Variants in MROH2B observed in about 807,000 individuals in gnomAD.
MROH2B encodes the protein maestro heat like repeat family member 2B.
Under a neutral mutation model 208.6 loss-of-function variants are expected in MROH2B, and 177 were observed. The ratio of observed to expected loss-of-function variants is 0.85; its 90% CI spans 0.75 to 0.96. MROH2B has a LOEUF of 0.96. MROH2B is among the 40% of genes least tolerant of loss of function. MROH2B has a pLI of 0.00. For missense variants in MROH2B, 2,002 were observed against 1,878.7 expected (o/e 1.07, Z -1.21); for synonymous variants, 728 against 659.0 (o/e 1.10, Z -1.60).
chr5:41,033,911 A>C (rs1486974509), intron 21 of MROH2B, 47 bp from the exon 22 acceptor site: 2 of 1,548,700 alleles, frequency 1.3e-6, no homozygotes, highest in African/African-American at 2.7e-5. Context: ...AGTGGCATTG[A>C]GAGATATACC....
rs189991991 is a variant in MROH2B at position 41,049,309 on chromosome 5, G to A, written c.1472C>T (p.Ser491Leu). 3.8e-5 allele frequency: 61 copies of A among 1,613,554 alleles called. No individual in the cohort carries two copies. Among genetic ancestry groups the A allele is most frequent in the Non-Finnish European group, 4.7e-5 (56 of 1,179,700 alleles). The change falls in exon 14 of 42, where the codon TCG becomes TTG. Residue 491 changes from serine (S) to leucine (L), a missense_variant. Ser to Leu is a moderately radical substitution (Grantham distance 145). Transcript: ENST00000399564. ...EEKKQHSAKE[S>L]TALVVSTGAV... is the part of the protein sequence containing the mutation. ...TCCTGTAGAGACGACAAGTGCTGTC[G>A]ACTCCTTGGCACTGTGCTGCTTCTT...
intron 19 of MROH2B, among the ~76,000 whole-genome samples, chr5:41,041,404 A>C (rs1300494845): frequency 1.3e-5 from 2 of 152,174 alleles, no homozygotes; most frequent in African/African-American, 4.8e-5. Context: ...AGGTGGGTGG[A>C]TCACCTGAGG....
Position 41,012,620 on chromosome 5 carries a change from G to A in MROH2B, c.3098C>T (p.Thr1033Ile), listed in dbSNP as rs1339888813. The change falls in exon 30 of 42, where the codon ACT becomes ATT. Residue 1033 changes from threonine (T) to isoleucine (I), a missense_variant. Thr to Ile is a moderately conservative substitution (Grantham distance 89). Transcript: ENST00000399564. ...CTKACGIWMI[T>I]VLKQQGAALE... The stretch of plus-strand genomic sequence containing the variant: ...AGCAGCTCCCTGCTGCTTCAGGACA[G>A]TGATCATCCATATGCCACAGGCCTT... The A allele has an allele frequency of 6.2e-7, 1 of 1,613,632 alleles. No individual in the cohort carries two copies. Among genetic ancestry groups the A allele is most frequent in the African/African-American group, 1.3e-5 (1 of 74,922 alleles).
chr5:41,051,088 C>T lies in MROH2B; in HGVS notation c.1233G>A (p.Glu411=), dbSNP rs779296721. 1.9e-6 allele frequency: 3 copies of T among 1,538,896 alleles called. No homozygotes were observed. The African/African-American group carries it at 4.3e-5, about 22-fold the overall frequency. ...CATGAAAGTTAGTTTTCACTGGTTT[C>T]TCCTTTAAGAAAGATCAAACAGGTG... is the stretch of plus-strand genomic sequence containing the variant. ...SQFATLNRNL[E]KPVKTNFHEN... The change falls in exon 13 of 42, where the codon GAG becomes GAA. Residue 411 remains glutamate, a splice_region_variant and synonymous_variant. Coordinates refer to ENST00000399564, the MANE Select transcript of MROH2B (RefSeq NM_173489.5).
rs534641637 is a variant in MROH2B at position 41,020,081 on chromosome 5, G to A, written c.2442-1063C>T. Among the ~76,000 whole-genome samples the A allele has an allele frequency of 1.4e-4, 22 of 152,128 alleles. 1 individual carries two copies. In the Middle Eastern group the frequency reaches 0.024, roughly 165 times the overall value. ...GTGCTGTCTCTAGCCTCATAAGCTC[G>A]TGAACATGAGTTGTGGCTGATCTGG... On this transcript the variant is annotated intron_variant, in intron 24 of 41. Transcript: ENST00000399564.
intron 2 of MROH2B, 48 bp from the exon 3 acceptor site, chr5:41,067,266 A>G (rs1339563949): frequency 1.9e-6 from 2 of 1,035,110 alleles, no homozygotes; most frequent in Non-Finnish European, 2.9e-6. Flanking sequence ...GCAAAAATAA[A>G]GGAATCAAAT....
chr5:41,056,245 C>T (rs978314126), intron 9 of MROH2B, among the ~76,000 whole-genome samples: 1 of 152,112 alleles, frequency 6.6e-6, no homozygotes, highest in Non-Finnish European at 1.5e-5. Flanking sequence ...GGCAGTGATG[C>T]TTCCTCTGCT....
chr5:41,062,776 TTA>T (rs1157399196), intron 5 of MROH2B, among the ~76,000 whole-genome samples: 1 of 152,136 alleles, frequency 6.6e-6, no homozygotes, highest in Non-Finnish European at 1.5e-5. Flanking sequence ...TCCAAACTCC[TTA>T]TAATTTCTTT....
intron 7 of MROH2B, 28 bp from the exon 8 acceptor site, chr5:41,057,388 T>G: frequency 7.9e-6 from 12 of 1,525,676 alleles, no homozygotes; most frequent in Non-Finnish European, 9.8e-6. Flanking sequence ...ACAGGTTAGT[T>G]GGAGGCTGCC....
intron 24 of MROH2B, among the ~76,000 whole-genome samples, chr5:41,027,756 C>T (rs1389910635): frequency 6.6e-6 from 1 of 152,148 alleles, no homozygotes; most frequent in Admixed American, 6.5e-5. Flanking sequence ...TATTGTGGCA[C>T]TATTCACAAT....
chr5:41,047,155 A>T (rs1182490454), intron 17 of MROH2B, among the ~76,000 whole-genome samples: 1 of 152,160 alleles, frequency 6.6e-6, no homozygotes, highest in Non-Finnish European at 1.5e-5. Flanking sequence ...TTGTAAAGCC[A>T]ATGTCCACTG....
intron 28 of MROH2B, 96 bp downstream of exon 28, chr5:41,017,754 G>A: frequency 7.4e-7 from 1 of 1,350,288 alleles, no homozygotes; most frequent in South Asian, 1.6e-5. Context: ...GGAGAGGGGA[G>A]GAGGGAGAGA....
chr5:41,070,598 G>C (rs1743957699), intron 1 of MROH2B, among the ~76,000 whole-genome samples: 1 of 152,098 alleles, frequency 6.6e-6, no homozygotes, highest in Non-Finnish European at 1.5e-5. Flanking sequence ...TCCTCAGGTA[G>C]ACTCTAAATT....
Position 41,064,538 on chromosome 5 carries a change from G to A in MROH2B, c.394C>T (p.Leu132=). The stretch of plus-strand genomic sequence containing the variant: ...CTGAGCATGGTTTGCATGGTGAGCA[G>A]GGTCATCATCATGAAAGGAATACTC... The part of the protein sequence containing the change: ...SQSIPFMMMT[L]LTMQTMLRLA... The change falls in exon 5 of 42, where the codon CTG becomes TTG. Residue 132 remains leucine, a synonymous_variant. Transcript: ENST00000399564. The A allele has an allele frequency of 6.2e-7, 1 of 1,613,392 alleles. No homozygotes were observed. Among genetic ancestry groups the A allele is most frequent in the Non-Finnish European group, 8.5e-7 (1 of 1,179,564 alleles).
At chr5:41,049,187 T>A in intron 14 of MROH2B, 46 bp from the exon 15 acceptor site, 5 of 1,605,344 alleles carry the variant, frequency 3.1e-6, no homozygotes, top group Non-Finnish European at 4.3e-6. Context: ...GGGTTAGAGA[T>A]TGGGGTTGGG....
chr5:41,059,676 T>A (rs1743575270), intron 6 of MROH2B, among the ~76,000 whole-genome samples: 1 of 152,202 alleles, frequency 6.6e-6, no homozygotes, highest in South Asian at 2.1e-4. Context: ...TCTTTGCTTC[T>A]TGAAAACTTC....
chr5:41,058,114 G>C lies in MROH2B; in HGVS notation c.705C>G (p.Pro235=). ...TGTCTTTATACTGGTTCAGGAGCCA[G>C]GGCACCTGGCCCAGGGCGTATCCAC... ...DFRGYALGQV[P]WLLNQYKDKE... The change falls in exon 7 of 42, where the codon CCC becomes CCG. Residue 235 remains proline, a synonymous_variant. Transcript: ENST00000399564. The C allele has an allele frequency of 6.2e-7, 1 of 1,606,448 alleles. No homozygotes were observed.
In MROH2B at chr5:41,005,551, C is replaced by T. The variant is rs373922417; in HGVS notation, c.3844G>A (p.Gly1282Ser). The T allele has an allele frequency of 1.8e-4, 296 of 1,605,408 alleles. 1 individual carries two copies. Among genetic ancestry groups the T allele is most frequent in the Admixed American group, 1.0e-4 (6 of 58,920 alleles). ...CTTGCCTCAGAGAAGAAAGCTGCGC[C>T]GGTTATCCGGTAGTTCTCCGAGGAG... is the stretch of plus-strand genomic sequence containing the variant. Reference protein sequence around the residue: ...TSSSENYRITGAAFFSELMKE... With the variant: ...TSSSENYRITSAAFFSELMKE... Residue 1282 changes from glycine to serine, a missense_variant, in exon 35 of 42, where the codon GGC (glycine) becomes AGC (serine). Gly to Ser is a moderately conservative substitution (Grantham distance 56, BLOSUM62 0). Transcript: ENST00000399564.
rs1345778507 is a variant in MROH2B, at chr5:41,052,347, TA to T, written c.1230+117del. 1.6e-5 allele frequency: 15 copies of T among 959,694 alleles called. No individual in the cohort carries two copies. The African/African-American group carries it at 2.2e-4, about 14-fold the overall frequency. The allele number at this position is 959,694 out of a possible 1,614,324, so 59.4% of individuals were successfully genotyped here. ...TTAATTTTTTTAAAATTTATTTATT[TA>T]TTTTTTACTCTACTCCTGTGACAGA... On this transcript the variant is annotated intron_variant, in intron 12 of 41. Coordinates refer to ENST00000399564, the MANE Select transcript of MROH2B (RefSeq NM_173489.5).
Sources: gnomAD v4.1 joint callset for allele counts (sites outside exome capture counted in the v4.1 genomes callset) on GRCh38, gnomAD v4.1.1 for gene constraint, MANE v1.5 for transcripts, NCBI Gene and HGNC (gene_info 2026-07-23, HGNC 2026-07-21) for gene names.